The following STK35 variants were observed in gnomAD, a reference collection of about 807,000 sequenced individuals.
STK35 encodes the protein serine/threonine-protein kinase 35.
A neutral mutation model predicts 37.3 loss-of-function variants in STK35; 17 were observed. The ratio of observed to expected loss-of-function variants is 0.46; its 90% CI spans 0.31 to 0.68. The LOEUF is 0.68. Among genes scored for constraint, STK35 ranks in the 30% least tolerant of loss-of-function variants. STK35 has a pLI of 0.05. For missense variants in STK35, 595 were observed against 746.7 expected (o/e 0.80, Z 2.37); for synonymous variants, 385 against 319.1 (o/e 1.21, Z -2.20).
chr20:2,128,981 C>T (rs753740794), intron 3 of STK35, among the ~76,000 whole-genome samples: 3 of 152,044 alleles, frequency 2.0e-5, no homozygotes, highest in South Asian at 2.1e-4. Context: ...CATGCCACCA[C>T]GCCCAGCTAA....
intron 2 of STK35, among the ~76,000 whole-genome samples, chr20:2,106,000 C>G: frequency 6.6e-6 from 1 of 152,156 alleles, no homozygotes. Flanking sequence ...GTTCAGGGCT[C>G]AGAGACAGAG....
rs897581458 is a variant in STK35, at chr20:2,102,139, G to C, written c.258G>C (p.Gly86=). The change falls in exon 1 of 4, where the codon GGG becomes GGC. Residue 86 remains glycine (G), a synonymous_variant. Coordinates refer to ENST00000381482, the MANE Select transcript of STK35 (RefSeq NM_080836.4). ...ADHPQAGAPG[G]KRAARKWRCA... is the part of the protein sequence containing the mutation. ...ATCCCCAGGCAGGGGCTCCAGGGGG[G>C]AAACGGGCCGCCCGGAAGTGGAGGT... is the stretch of plus-strand genomic sequence containing the variant. 4 of 1,391,948 alleles carry C rather than the reference G, an allele frequency of 2.9e-6. No homozygotes were observed. The highest frequency in any genetic ancestry group is 3.7e-6 in the Non-Finnish European group (4 of 1,072,310). 86.2% of individuals were successfully genotyped at this position (1,391,948 alleles called of 1,614,324 possible). A position where few individuals can be genotyped will look rare whatever the true frequency, so the allele number is the denominator to read the frequency against.
At chr20:2,103,464 C>A in intron 2 of STK35, 99 bp downstream of exon 2, 1 of 1,170,014 alleles carries the variant, frequency 8.5e-7, no homozygotes, top group Non-Finnish European at 1.2e-6. Context: ...AGGCCTCAGA[C>A]CTGGTCCCTG....
At chr20:2,116,307 C>T (rs896596438) in intron 2 of STK35, among the ~76,000 whole-genome samples, 2 of 152,166 alleles carry the variant, frequency 1.3e-5, no homozygotes, top group African/African-American at 4.8e-5. Context: ...AAGCAACAGA[C>T]CCGTGACAGC....
intron 1 of STK35, 146 bp from the exon 2 acceptor site, chr20:2,102,622 T>A (rs893664188): frequency 2.9e-6 from 2 of 693,170 alleles, no homozygotes; most frequent in African/African-American, 3.8e-5. Context: ...CGCTTTCCCC[T>A]CCCCTCCCCC....
chr20:2,122,878 G>A (rs1311977854), intron 3 of STK35, among the ~76,000 whole-genome samples: 1 of 152,190 alleles, frequency 6.6e-6, no homozygotes, highest in Non-Finnish European at 1.5e-5. Context: ...CAAGGCCCAC[G>A]CTGTCCAATC....
chr20:2,131,590 G>A (rs978345884), intron 3 of STK35, among the ~76,000 whole-genome samples: 4 of 152,050 alleles, frequency 2.6e-5, no homozygotes, highest in African/African-American at 9.7e-5. Flanking sequence ...CAGTGTGAAG[G>A]CCTAGGACAT....
intron 1 of STK35, among the ~76,000 whole-genome samples, chr20:2,102,455 G>A (rs980400303): frequency 1.3e-5 from 2 of 152,222 alleles, no homozygotes; most frequent in Non-Finnish European, 2.9e-5. Flanking sequence ...TATTTCCGCC[G>A]GCCAAATCGC....
rs528879204 is a variant in STK35 at position 2,101,982 on chromosome 20, G to A, written c.101G>A (p.Ser34Asn). 255 of 1,525,852 alleles carry A rather than the reference G, an allele frequency of 1.7e-4. No individual in the cohort carries two copies. Among genetic ancestry groups the A allele is most frequent in the Non-Finnish European group, 2.1e-4 (236 of 1,140,626 alleles). 94.5% of individuals were successfully genotyped at this position (1,525,852 alleles called of 1,614,324 possible). The change falls in exon 1 of 4, where the codon AGC becomes AAC. Residue 34 changes from serine to asparagine, a missense_variant. By Grantham distance (46) the Ser-to-Asn change is conservative. Around this residue, in one of 3 missense-constraint regions of STK35, gnomAD observed 389 missense variants for 320.0 expected, o/e 1.22. Transcript: ENST00000381482. Reference protein sequence around the residue: ...KGLSWREHVESHGSLGAQASP... With the variant: ...KGLSWREHVENHGSLGAQASP... ...CTCAGCTGGCGCGAACACGTGGAAA[G>A]CCACGGGAGCCTAGGAGCCCAGGCT...
intron 3 of STK35, among the ~76,000 whole-genome samples, chr20:2,131,175 G>GTAGA (rs1366971803): frequency 6.6e-6 from 1 of 152,192 alleles, no homozygotes. Context: ...AGGTTATATG[G>GTAGA]TAGATAGAGC....
chr20:2,131,482 T>C (rs1985998789), intron 3 of STK35, among the ~76,000 whole-genome samples: 1 of 151,888 alleles, frequency 6.6e-6, no homozygotes, highest in African/African-American at 2.4e-5. Context: ...TTTTTTTTTT[T>C]AAGATTAAAA....
chr20:2,118,665 T>C (rs989903338), intron 3 of STK35, among the ~76,000 whole-genome samples: 1 of 152,252 alleles, frequency 6.6e-6, no homozygotes, highest in Admixed American at 6.5e-5. Flanking sequence ...CAAAAAGGAA[T>C]GGCCTATATG....
At position 2,103,305 on chromosome 20, in the gene STK35, A is replaced by T; in HGVS notation, c.832A>T (p.Met278Leu). The change falls in exon 2 of 4, where the codon ATG (methionine) becomes TTG (leucine). Residue 278 changes from methionine (M) to leucine (L), a missense_variant. By Grantham distance (15) the Met-to-Leu change is conservative (BLOSUM62 2). Coordinates refer to ENST00000381482, the MANE Select transcript of STK35 (RefSeq NM_080836.4). The part of the protein sequence containing the change: ...VLQRNGLAQR[M>L]SHGNKSSQLY... ...GCAGCGCAATGGGTTAGCCCAGCGC[A>T]TGAGTCACGGCAACAAGAGCTCGCA... 6.2e-7 allele frequency: 1 copy of T among 1,613,006 alleles called. No homozygotes were observed. Among genetic ancestry groups the T allele is most frequent in the East Asian group, 2.2e-5 (1 of 44,764 alleles).
chr20:2,124,976 GC>G (rs1159960996), intron 3 of STK35, among the ~76,000 whole-genome samples: 1 of 152,174 alleles, frequency 6.6e-6, no homozygotes, highest in Admixed American at 6.5e-5. Context: ...GGGGCCGATG[GC>G]CCCCCAGGGA....
At chr20:2,127,529 A>G (rs1459903943) in intron 3 of STK35, among the ~76,000 whole-genome samples, 1 of 152,238 alleles carries the variant, frequency 6.6e-6, no homozygotes, top group Non-Finnish European at 1.5e-5. Context: ...AGCAGAAATA[A>G]GTGATTATAC....
chr20:2,132,443 G>A (rs1180746882), intron 3 of STK35, among the ~76,000 whole-genome samples: 1 of 152,280 alleles, frequency 6.6e-6, no homozygotes, highest in East Asian at 1.9e-4. Flanking sequence ...AGAGTAGAAA[G>A]CTAAATAGGG....
chr20:2,131,969 A>G (rs1170523673), intron 3 of STK35, among the ~76,000 whole-genome samples: 2 of 152,154 alleles, frequency 1.3e-5, no homozygotes, highest in Non-Finnish European at 2.9e-5. Context: ...TTTGCTTAAA[A>G]ACAAAAACCC....
At chr20:2,112,211 A>G (rs1985633110) in intron 2 of STK35, among the ~76,000 whole-genome samples, 1 of 152,204 alleles carries the variant, frequency 6.6e-6, no homozygotes, top group Admixed American at 6.5e-5. Context: ...CTGTCTTTCC[A>G]AAGCTCCTAC....
chr20:2,128,512 C>G (rs953060906), intron 3 of STK35, among the ~76,000 whole-genome samples: 4 of 152,132 alleles, frequency 2.6e-5, no homozygotes, highest in Non-Finnish European at 4.4e-5. Context: ...GTTCTGGGAC[C>G]CTGGGACAAC....
Sources: gnomAD v4.1 joint callset for allele counts (sites outside exome capture counted in the v4.1 genomes callset) on GRCh38, gnomAD v4.1.1 for gene constraint, gnomAD v4.1.1 regional missense constraint, MANE v1.5 for transcripts, NCBI Gene and HGNC (gene_info 2026-07-23, HGNC 2026-07-21) for gene names.